Variants in RFC3 observed in about 807,000 individuals in gnomAD.
The protein encoded by RFC3 is replication factor C subunit 3, also known as A1 38 kDa subunit.
RFC3 carries 41 observed loss-of-function variants against 45.1 expected under a neutral mutation model. The observed-to-expected ratio is 0.91, with a 90% CI of 0.71 to 1.18. The LOEUF is 1.18. Among genes scored for constraint, RFC3 ranks in the 50% most tolerant of loss-of-function variants. The pLI is 0.00. For synonymous variants in RFC3, 149 were observed against 144.0 expected (o/e 1.03, Z -0.25); for missense variants, 423 against 428.1 (o/e 0.99, Z 0.10).
chr13:33,973,975 C>A, the RFC3 span, among the ~76,000 whole-genome samples: 1 of 152,116 alleles, frequency 6.6e-6, no homozygotes, highest in Non-Finnish European at 1.5e-5. Flanking sequence ...CATAGTAATT[C>A]TGGAAACCAA....
chr13:33,820,913 TTATATATATA>T (rs34884650), intron 1 of RFC3, among the ~76,000 whole-genome samples: 1 of 130,176 alleles, frequency 7.7e-6, no homozygotes, highest in Non-Finnish European at 1.5e-5. Context: ...ATATATATAT[TTATATATATA>T]TATATATATA....
intron 8 of RFC3, among the ~76,000 whole-genome samples, chr13:33,855,353 G>A (rs1436938636): frequency 6.6e-6 from 1 of 152,094 alleles, no homozygotes. Flanking sequence ...GTGTCTATGT[G>A]CCTTATTTTC....
intron 8 of RFC3, among the ~76,000 whole-genome samples, chr13:33,965,098 A>G (rs549221726): frequency 6.6e-6 from 1 of 152,234 alleles, no homozygotes; most frequent in African/African-American, 2.4e-5. Flanking sequence ...TTATGAGTCA[A>G]TTTCTCTTGT....
chr13:33,863,471 G>T (rs1388357094), intron 8 of RFC3, among the ~76,000 whole-genome samples: 1 of 152,170 alleles, frequency 6.6e-6, no homozygotes, highest in Non-Finnish European at 1.5e-5. Context: ...GTACTGAGTG[G>T]AGCCATATGT....
chr13:33,819,326 G>A (rs575633068), intron 1 of RFC3, among the ~76,000 whole-genome samples: 2 of 152,258 alleles, frequency 1.3e-5, no homozygotes, highest in African/African-American at 4.8e-5. Flanking sequence ...AGTAAAGAAG[G>A]ATCTTTAGGA....
At chr13:33,958,079 A>C (rs544236363) in intron 8 of RFC3, among the ~76,000 whole-genome samples, 1 of 152,318 alleles carries the variant, frequency 6.6e-6, no homozygotes, top group African/African-American at 2.4e-5. Flanking sequence ...TAATAGACTG[A>C]AAGAACAAAT....
chr13:33,965,723 A>G (rs960823484), intron 8 of RFC3, among the ~76,000 whole-genome samples: 1 of 152,186 alleles, frequency 6.6e-6, no homozygotes, highest in Non-Finnish European at 1.5e-5. Context: ...CTTATCAGAT[A>G]GAAACTATCT....
intron 8 of RFC3, among the ~76,000 whole-genome samples, chr13:33,921,020 C>T (rs1017968391): frequency 6.6e-5 from 10 of 152,040 alleles, no homozygotes; most frequent in African/African-American, 9.7e-5. Flanking sequence ...ATATATTCAT[C>T]CCCCATAGAT....
At chr13:33,973,830 T>C in the RFC3 span, among the ~76,000 whole-genome samples, 1 of 152,030 alleles carries the variant, frequency 6.6e-6, no homozygotes. Context: ...TTTGTGTTTT[T>C]AGTAGAGATG....
At chr13:33,966,183 A>C in exon 9 of RFC3, 1 of 1,348,818 alleles carries the variant, frequency 7.4e-7, no homozygotes, top group Non-Finnish European at 1.1e-6. Context: ...TAGCATGTGA[A>C]GTTTTGCAAA....
chr13:33,861,037 C>G (rs1335692784), intron 8 of RFC3, among the ~76,000 whole-genome samples: 2 of 151,972 alleles, frequency 1.3e-5, no homozygotes, highest in Non-Finnish European at 2.9e-5. Context: ...TAGCTGAGAC[C>G]ACAGGCCAGA....
chr13:33,888,743 A>C (rs1380485964), intron 8 of RFC3, among the ~76,000 whole-genome samples: 5 of 150,130 alleles, frequency 3.3e-5, no homozygotes, highest in African/African-American at 1.3e-4. Context: ...ATTTTAAAGA[A>C]AATCTTTTTT....
chr13:33,888,076 T>C (rs1320534919), intron 8 of RFC3, among the ~76,000 whole-genome samples: 1 of 152,196 alleles, frequency 6.6e-6, no homozygotes, highest in Non-Finnish European at 1.5e-5. Flanking sequence ...GCCTCCAGCT[T>C]TGTTCTTTTG....
At chr13:33,912,907 GGT>G (rs753423448) in intron 8 of RFC3, among the ~76,000 whole-genome samples, 13 of 151,932 alleles carry the variant, frequency 8.6e-5, no homozygotes, top group Non-Finnish European at 1.6e-4. Context: ...TTAATAACTG[GGT>G]GTGTGGGTGG....
intron 8 of RFC3, among the ~76,000 whole-genome samples, chr13:33,937,567 T>A (rs1238317888): frequency 6.6e-6 from 1 of 152,172 alleles, no homozygotes; most frequent in Non-Finnish European, 1.5e-5. Flanking sequence ...CTCTGTCTTT[T>A]GACTCTTGGT....
At chr13:33,889,987 T>C (rs1185811706) in intron 8 of RFC3, among the ~76,000 whole-genome samples, 2 of 152,226 alleles carry the variant, frequency 1.3e-5, no homozygotes, top group East Asian at 3.8e-4. Flanking sequence ...GCTAGGGATA[T>C]ACTGGTGGTC....
At chr13:33,872,794 C>CT (rs1555235484) in intron 8 of RFC3, among the ~76,000 whole-genome samples, 7 of 125,626 alleles carry the variant, frequency 5.6e-5, no homozygotes, top group African/African-American at 2.1e-4. Context: ...GAAACCAAAC[C>CT]CCCCCCCCCA....
At chr13:33,848,310 A>T (rs969990900) in intron 8 of RFC3, 1 of 152,142 alleles carries the variant, frequency 6.6e-6, no homozygotes, top group South Asian at 2.1e-4. Context: ...TCTTTATTCA[A>T]TGATCAGCTT....
Position 33,836,546 on chromosome 13 carries a change from T to C in RFC3, c.*251T>C, listed in dbSNP as rs914807384. 8.5e-6 allele frequency: 10 copies of C among 1,181,660 alleles called. No individual in the cohort carries two copies. In the African/African-American group the frequency reaches 1.5e-4, roughly 18 times the overall value. The allele number at this position is 1,181,660 out of a possible 1,614,324, so 73.2% of individuals were successfully genotyped here. A position where few individuals can be genotyped will look rare whatever the true frequency, so the allele number is the denominator to read the frequency against. On this transcript the variant is annotated 3_prime_UTR_variant, in exon 9 of 9. Coordinates refer to ENST00000380071, the MANE Select transcript of RFC3 (RefSeq NM_002915.4). ...AATGATCTTAATTTACTTTAAGCATTGGTTATTCAAGTATTCATTGTTGAT... is the reference window on the plus strand; with the variant it reads ...AATGATCTTAATTTACTTTAAGCATCGGTTATTCAAGTATTCATTGTTGAT...
Sources: allele counts gnomAD v4.1 joint callset (sites outside exome capture counted in the v4.1 genomes callset), GRCh38; gene constraint gnomAD v4.1.1; transcripts MANE v1.5; gene names NCBI Gene and HGNC (gene_info 2026-07-23, HGNC 2026-07-21).